Variants in HS6ST3 observed in about 807,000 individuals in gnomAD.
The protein encoded by HS6ST3 is heparan sulfate 6-O-sulfotransferase 3, also known as heparan-sulfate 6-O-sulfotransferase 3.
HS6ST3 carries 12 observed loss-of-function variants against 36.7 expected under a neutral mutation model. The observed-to-expected ratio is 0.33, with a 90% CI of 0.21 to 0.53. The LOEUF (loss-of-function observed/expected upper bound fraction) is 0.53. Among genes scored for constraint, HS6ST3 ranks in the 20% least tolerant of loss-of-function variants. The probability of loss-of-function intolerance (pLI) is 0.95; values close to 1 mark genes in which losing one functional copy is unlikely to be tolerated. For missense variants in HS6ST3, 584 were observed against 640.9 expected, an observed-to-expected ratio of 0.91 and a Z score of 0.96; for synonymous variants, 240 against 257.5, an observed-to-expected ratio of 0.93 and a Z score of 0.65.
intron 1 of HS6ST3, among the ~76,000 whole-genome samples, chr13:96,633,818 T>TG (rs2056540078): frequency 6.6e-6 from 1 of 152,136 alleles, no homozygotes; most frequent in Admixed American, 6.5e-5. Context: ...TGGTTAGACA[T>TG]GGAAGTGAGT....
chr13:96,315,553 A>G (rs2054964510), intron 1 of HS6ST3, among the ~76,000 whole-genome samples: 1 of 152,112 alleles, frequency 6.6e-6, no homozygotes, highest in South Asian at 2.1e-4. Flanking sequence ...TTTCCTATAT[A>G]GAATGTTCCA....
chr13:96,346,665 G>A (rs2055157177), intron 1 of HS6ST3, among the ~76,000 whole-genome samples: 1 of 152,024 alleles, frequency 6.6e-6, no homozygotes, highest in African/African-American at 2.4e-5. Flanking sequence ...AATTGGAAAT[G>A]TGCTAAAACT....
At chr13:96,430,337 G>A (rs1181805180) in intron 1 of HS6ST3, among the ~76,000 whole-genome samples, 1 of 152,140 alleles carries the variant, frequency 6.6e-6, no homozygotes, top group East Asian at 1.9e-4. Flanking sequence ...GGCTGTCTTT[G>A]TCTGGCAAAC....
rs572849091 is a variant in HS6ST3, at chr13:96,359,936, C to T, written c.707+268367C>T. On this transcript the variant is annotated intron_variant, in intron 1 of 1. Coordinates refer to ENST00000376705, the MANE Select transcript of HS6ST3 (RefSeq NM_153456.4). ...AGGAGTTGACATGGAACTGGAGGAA[C>T]AAGGATACACTCCAGCCACCCCTAT... Among the ~76,000 whole-genome samples, 8 of 152,202 alleles carry T rather than the reference C, an allele frequency of 5.3e-5. 1 individual carries two copies. The highest frequency in any genetic ancestry group is 1.9e-4 in the African/African-American group (8 of 41,526).
At chr13:96,530,509 T>A (rs533207763) in intron 1 of HS6ST3, among the ~76,000 whole-genome samples, 24 of 151,712 alleles carry the variant, frequency 1.6e-4, no homozygotes, top group Non-Finnish European at 1.8e-4. Context: ...CTTTCCCTTT[T>A]TTTTTTTTTT....
At chr13:96,769,732 C>T (rs1389049885) in intron 1 of HS6ST3, among the ~76,000 whole-genome samples, 10 of 113,042 alleles carry the variant, frequency 8.8e-5, no homozygotes, top group Non-Finnish European at 1.8e-4. Flanking sequence ...TCATTCCTAG[C>T]TCTGTGTGTG....
At chr13:96,141,930 A>G (rs905087947) in intron 1 of HS6ST3, among the ~76,000 whole-genome samples, 3 of 151,658 alleles carry the variant, frequency 2.0e-5, no homozygotes, top group African/African-American at 4.8e-5. Flanking sequence ...CAAGCCTGAA[A>G]CCACTAAATT....
chr13:96,242,488 G>C (rs965172541), intron 1 of HS6ST3, among the ~76,000 whole-genome samples: 12 of 151,492 alleles, frequency 7.9e-5, no homozygotes, highest in African/African-American at 2.9e-4. Flanking sequence ...TAAAGTGCTG[G>C]GATTACAGGC....
chr13:96,755,403 C>T (rs1017970070), intron 1 of HS6ST3, among the ~76,000 whole-genome samples: 6 of 151,888 alleles, frequency 4.0e-5, no homozygotes, highest in African/African-American at 1.2e-4. Flanking sequence ...CTCACTCTAT[C>T]GCCCAGGCTG....
chr13:96,498,896 C>T (rs963042562), intron 1 of HS6ST3, among the ~76,000 whole-genome samples: 10 of 152,172 alleles, frequency 6.6e-5, no homozygotes, highest in Non-Finnish European at 1.3e-4. Context: ...TAAGAAAAGA[C>T]TGAGTCATCC....
At chr13:96,740,529 A>G (rs576294048) in intron 1 of HS6ST3, among the ~76,000 whole-genome samples, 2 of 152,348 alleles carry the variant, frequency 1.3e-5, no homozygotes, top group East Asian at 3.9e-4. Flanking sequence ...ATAAGTTGGG[A>G]TGGAGTAATA....
chr13:96,642,584 T>G (rs1222985493), intron 1 of HS6ST3, among the ~76,000 whole-genome samples: 4 of 151,908 alleles, frequency 2.6e-5, no homozygotes, highest in African/African-American at 7.2e-5. Context: ...TTCCTTTTAT[T>G]CTTTCTGTTT....
chr13:96,200,019 A>C (rs1325526269), intron 1 of HS6ST3, among the ~76,000 whole-genome samples: 3 of 152,324 alleles, frequency 2.0e-5, no homozygotes. Flanking sequence ...CGAGTCTCCA[A>C]ATAGAATGTC....
At chr13:96,128,175 A>G (rs183655694) in intron 1 of HS6ST3, among the ~76,000 whole-genome samples, 15 of 152,322 alleles carry the variant, frequency 9.8e-5, no homozygotes, top group African/African-American at 3.6e-4. Context: ...TTCTCCAGTT[A>G]TTAAGTTTCC....
chr13:96,327,699 T>A (rs1285047760), intron 1 of HS6ST3, among the ~76,000 whole-genome samples: 1 of 151,974 alleles, frequency 6.6e-6, no homozygotes, highest in Non-Finnish European at 1.5e-5. Flanking sequence ...TAAAGTAGTT[T>A]TTTCCAATTC....
At chr13:96,609,339 A>G (rs1293776385) in intron 1 of HS6ST3, among the ~76,000 whole-genome samples, 1 of 152,202 alleles carries the variant, frequency 6.6e-6, no homozygotes, top group African/African-American at 2.4e-5. Flanking sequence ...AAATTACTAG[A>G]CAGCACCAAA....
chr13:96,208,849 G>A (rs1347664281), intron 1 of HS6ST3, among the ~76,000 whole-genome samples: 1 of 152,260 alleles, frequency 6.6e-6, no homozygotes, highest in South Asian at 2.1e-4. Flanking sequence ...GGGAATAGTT[G>A]TTAATACTTC....
chr13:96,363,702 A>T (rs2055250358), intron 1 of HS6ST3, among the ~76,000 whole-genome samples: 1 of 152,198 alleles, frequency 6.6e-6, no homozygotes, highest in South Asian at 2.1e-4. Flanking sequence ...AAAAAAATGG[A>T]AAAGTCAAAA....
chr13:96,290,191 C>A (rs1220590757), intron 1 of HS6ST3, among the ~76,000 whole-genome samples: 1 of 152,010 alleles, frequency 6.6e-6, no homozygotes, highest in South Asian at 2.1e-4. Context: ...CCCATTGCGA[C>A]GTTTCATGTT....
Sources: allele counts gnomAD v4.1 joint callset (sites outside exome capture counted in the v4.1 genomes callset), GRCh38; gene constraint gnomAD v4.1.1; transcripts MANE v1.5; gene names NCBI Gene and HGNC (gene_info 2026-07-23, HGNC 2026-07-21).